CENPP: variants seen among roughly 807,000 people sequenced by gnomAD.
CENPP encodes the protein centromere protein P.
Under a neutral mutation model 35.6 loss-of-function variants are expected in CENPP, and 24 were observed. The ratio of observed to expected loss-of-function variants is 0.67; its 90% CI spans 0.49 to 0.95. The LOEUF is 0.95. Ranked by LOEUF, CENPP falls within the 40% of genes least tolerant of loss-of-function variation. CENPP has a pLI of 0.00. For missense variants in CENPP, 332 were observed against 345.3 expected, an observed-to-expected ratio of 0.96 and a Z score of 0.31; for synonymous variants, 120 against 125.5, an observed-to-expected ratio of 0.96 and a Z score of 0.29.
chr9:92,464,756 C>T, intron 5 of CENPP: 1 of 710,032 alleles, frequency 1.4e-6, no homozygotes, highest in Non-Finnish European at 2.6e-6. Flanking sequence ...GAAAAAGGCA[C>T]TACATATGGC....
At chr9:92,444,679 C>T (rs1374832196) in intron 5 of CENPP, among the ~76,000 whole-genome samples, 6 of 152,066 alleles carry the variant, frequency 3.9e-5, no homozygotes, top group Admixed American at 2.6e-4. Context: ...ATGTATTGTC[C>T]CAGCACCATT....
At position 92,474,514 on chromosome 9, in the gene CENPP, A is replaced by G. The variant is rs577647123; in HGVS notation, c.564+94655A>G. 902 of 1,435,272 alleles carry G rather than the reference A, an allele frequency of 6.3e-4. 11 individuals are homozygous for G. Among genetic ancestry groups the G allele is most frequent in the Middle Eastern group, 2.2e-4 (1 of 4,490 alleles). The allele number at this position is 1,435,272 out of a possible 1,614,324, so 88.9% of individuals were successfully genotyped here. On this transcript the variant is annotated intron_variant, in intron 5 of 7. Transcript: ENST00000375587. ...TTCCACCTAAAAACTTAAATGAAAA[A>G]AACTTATACACTCAGATTATTTTTG...
At chr9:92,397,789 C>T (rs897615636) in intron 5 of CENPP, among the ~76,000 whole-genome samples, 2 of 152,174 alleles carry the variant, frequency 1.3e-5, no homozygotes, top group African/African-American at 4.8e-5. Context: ...ACAGATAATA[C>T]ACATACATGC....
intron 5 of CENPP, among the ~76,000 whole-genome samples, chr9:92,503,107 CTAAT>C (rs1846790672): frequency 6.6e-6 from 1 of 151,978 alleles, no homozygotes; most frequent in Non-Finnish European, 1.5e-5. Flanking sequence ...AATTTTATAA[CTAAT>C]TAGTAAAATA....
At chr9:92,403,194 C>A (rs1000747365) in intron 5 of CENPP, 1 of 1,349,102 alleles carries the variant, frequency 7.4e-7, no homozygotes. Flanking sequence ...TTTAAATGGG[C>A]AGTATTTTAG....
chr9:92,542,159 T>C (rs1276362235), intron 5 of CENPP, among the ~76,000 whole-genome samples: 2 of 152,218 alleles, frequency 1.3e-5, no homozygotes, highest in African/African-American at 4.8e-5. Flanking sequence ...TTTTAAATTT[T>C]TGAGGAACCT....
chr9:92,481,680 A>G (rs1845918086), intron 5 of CENPP, among the ~76,000 whole-genome samples: 2 of 152,164 alleles, frequency 1.3e-5, no homozygotes, highest in African/African-American at 4.8e-5. Context: ...TTCATATTGA[A>G]TATAGTGCTA....
intron 5 of CENPP, chr9:92,385,896 C>A: frequency 1.0e-6 from 1 of 971,208 alleles, no homozygotes; most frequent in South Asian, 1.5e-5. Flanking sequence ...TGCCCCCTCA[C>A]TTCAAATCCT....
chr9:92,334,953 G>A (rs1840877486), intron 2 of CENPP, among the ~76,000 whole-genome samples: 1 of 151,576 alleles, frequency 6.6e-6, no homozygotes, highest in African/African-American at 2.4e-5. Context: ...TTGGGAAGCC[G>A]AGGCGGGCGA....
At chr9:92,553,355 G>A (rs1339041710) in intron 5 of CENPP, among the ~76,000 whole-genome samples, 1 of 152,084 alleles carries the variant, frequency 6.6e-6, no homozygotes, top group Admixed American at 6.5e-5. Context: ...CTCCAGATTT[G>A]TTCTTTTTGC....
At chr9:92,460,598 C>G in intron 5 of CENPP, 1 of 1,319,490 alleles carries the variant, frequency 7.6e-7, no homozygotes, top group Non-Finnish European at 1.1e-6. Context: ...TATGTTAAGT[C>G]AAGTATCACT....
intron 4 of CENPP, among the ~76,000 whole-genome samples, chr9:92,371,126 T>C (rs1245829219): frequency 6.6e-6 from 1 of 152,226 alleles, no homozygotes; most frequent in Non-Finnish European, 1.5e-5. Flanking sequence ...AGTTCTGCTT[T>C]GATCTTTTGA....
intron 5 of CENPP, chr9:92,386,385 G>A: frequency 1.3e-6 from 1 of 780,156 alleles, no homozygotes; most frequent in Non-Finnish European, 2.3e-6. Flanking sequence ...ATGAGTATAT[G>A]TCTATATATA....
At chr9:92,372,099 CTTTTTT>C (rs71362382) in intron 4 of CENPP, among the ~76,000 whole-genome samples, 6 of 30,686 alleles carry the variant, frequency 2.0e-4, no homozygotes, top group African/African-American at 6.9e-4. Flanking sequence ...TGCCAGCCAT[CTTTTTT>C]TTTTTTTTTT....
chr9:92,420,871 C>T (rs1451336368), intron 5 of CENPP, among the ~76,000 whole-genome samples: 1 of 150,642 alleles, frequency 6.6e-6, no homozygotes, highest in Non-Finnish European at 1.5e-5. Flanking sequence ...TGGCATTTGA[C>T]CTAGACTTTG....
At chr9:92,332,148 A>G (rs1196389158) in intron 1 of CENPP, 22 bp from the exon 2 acceptor site, 2 of 1,534,774 alleles carry the variant, frequency 1.3e-6, no homozygotes, top group African/African-American at 1.4e-5. Flanking sequence ...TGGAGTGATT[A>G]TTTTTGATAT....
chr9:92,333,048 A>G (rs1321777255), intron 2 of CENPP, among the ~76,000 whole-genome samples: 4 of 152,186 alleles, frequency 2.6e-5, no homozygotes, highest in Admixed American at 2.0e-4. Context: ...AGCTGCCAAG[A>G]TAAATATTTT....
intron 4 of CENPP, among the ~76,000 whole-genome samples, chr9:92,352,467 CTGTGTGTGTG>C (rs61233585): frequency 1.3e-4 from 9 of 71,344 alleles, no homozygotes; most frequent in African/African-American, 5.9e-4. Flanking sequence ...TGCTTAAAGC[CTGTGTGTGTG>C]TGTGTGTGTG....
At chr9:92,605,987 C>T (rs975897024) in intron 5 of CENPP, among the ~76,000 whole-genome samples, 3 of 152,152 alleles carry the variant, frequency 2.0e-5, no homozygotes, top group Admixed American at 6.5e-5. Context: ...AGGGGCCAGG[C>T]GTAGTGGCTC....
Sources: allele counts gnomAD v4.1 joint callset (sites outside exome capture counted in the v4.1 genomes callset), GRCh38; gene constraint gnomAD v4.1.1; transcripts MANE v1.5; gene names NCBI Gene and HGNC (gene_info 2026-07-23, HGNC 2026-07-21).